Variants in CNEP1R1 observed in about 807,000 individuals in gnomAD.
CNEP1R1 encodes the protein nuclear envelope phosphatase-regulatory subunit 1.
A neutral mutation model predicts 22.7 loss-of-function variants in CNEP1R1; 10 were observed. That is an observed-to-expected ratio of 0.44 (90% CI 0.27 to 0.75). The LOEUF (loss-of-function observed/expected upper bound fraction) is 0.75. Ranked by LOEUF, CNEP1R1 falls within the 30% of genes least tolerant of loss-of-function variation. The pLI is 0.17. For missense variants in CNEP1R1, 73 were observed against 151.5 expected (o/e 0.48, Z 2.72); for synonymous variants, 53 against 50.1 (o/e 1.06, Z -0.25).
At chr16:50,033,241 C>T (rs1052823910) in intron 3 of CNEP1R1, among the ~76,000 whole-genome samples, 156 bp from the exon 4 acceptor site, 2 of 151,994 alleles carry the variant, frequency 1.3e-5, no homozygotes, top group African/African-American at 2.4e-5. Flanking sequence ...ATTTTTACAA[C>T]GCAGCAATAC....
rs912283651 is a variant in CNEP1R1 at position 50,036,462 on chromosome 16, C to G, written c.*1004C>G. The G allele has an allele frequency of 6.6e-6, 1 of 152,098 alleles. No homozygotes were observed. The highest frequency in any genetic ancestry group is 1.5e-5 in the Non-Finnish European group (1 of 68,006). The allele number at this position is 152,098 out of a possible 1,614,324, so 9.4% of individuals were successfully genotyped here. A position where few individuals can be genotyped will look rare whatever the true frequency, so the allele number is the denominator to read the frequency against. On this transcript the variant is annotated 3_prime_UTR_variant, in exon 6 of 6. Transcript: ENST00000427478. ...CCTCTTTAATAATTTTTAAAATACCCTAAAGGCTTGTGAATATACAAGTCT... is the reference window on the plus strand; with the variant it reads ...CCTCTTTAATAATTTTTAAAATACCGTAAAGGCTTGTGAATATACAAGTCT...
chr16:50,027,236 G>A (rs933812203), intron 2 of CNEP1R1, among the ~76,000 whole-genome samples: 1 of 151,968 alleles, frequency 6.6e-6, no homozygotes, highest in African/African-American at 2.4e-5. Context: ...AGACCCCATC[G>A]CGGTGGCTCA....
At chr16:50,029,325 A>C (rs1274259368) in intron 2 of CNEP1R1, among the ~76,000 whole-genome samples, 1 of 152,214 alleles carries the variant, frequency 6.6e-6, no homozygotes, top group African/African-American at 2.4e-5. Context: ...CAGTACATTC[A>C]AAAAGGAGTC....
At chr16:50,033,973 G>C (rs1006179521) in intron 4 of CNEP1R1, 129 bp from the exon 5 acceptor site, 4 of 645,150 alleles carry the variant, frequency 6.2e-6, no homozygotes, top group South Asian at 3.4e-5. Context: ...GGATGGTCTC[G>C]ATCTCCTGAC....
chr16:50,026,596 G>A (rs748750846), intron 2 of CNEP1R1, 129 bp downstream of exon 2: 18 of 694,160 alleles, frequency 2.6e-5, no homozygotes, highest in Non-Finnish European at 4.3e-5. Context: ...GCCTTATGAA[G>A]AAATTTTTAA....
At chr16:50,033,863 CAAA>C (rs748163459) in intron 4 of CNEP1R1, among the ~76,000 whole-genome samples, 2 of 101,232 alleles carry the variant, frequency 2.0e-5, no homozygotes, top group African/African-American at 3.6e-5. Context: ...GACTGCGTCT[CAAA>C]AAAAAAAAAA....
Position 50,036,826 on chromosome 16 carries a change from A to G in CNEP1R1, c.*1368A>G, listed in dbSNP as rs1456981661. 6.6e-6 allele frequency: 1 copy of G among 152,664 alleles called. No individual in the cohort carries two copies. The highest frequency in any genetic ancestry group is 1.5e-5 in the Non-Finnish European group (1 of 68,038). 9.5% of individuals were successfully genotyped at this position (152,664 alleles called of 1,614,324 possible). A position where few individuals can be genotyped will look rare whatever the true frequency, so the allele number is the denominator to read the frequency against. ...AAAGGTTTAAATTATTTCATGAGCA[A>G]TCTTTTAAATTTCATTTAACATAAA... On this transcript the variant is annotated 3_prime_UTR_variant, in exon 6 of 6. Coordinates refer to ENST00000427478, the MANE Select transcript of CNEP1R1 (RefSeq NM_001281789.2).
At chr16:50,025,915 G>C in intron 1 of CNEP1R1, 1 of 561,776 alleles carries the variant, frequency 1.8e-6, no homozygotes. Flanking sequence ...AGTAAGGCCA[G>C]ACGGCGTAGC....
intron 3 of CNEP1R1, among the ~76,000 whole-genome samples, chr16:50,030,748 A>G (rs1223891607): frequency 6.6e-6 from 1 of 152,236 alleles, no homozygotes; most frequent in African/African-American, 2.4e-5. Context: ...TGTGATTTTC[A>G]TTGCCTGTAA....
Position 50,025,405 on chromosome 16 carries a change from C to T in CNEP1R1, c.25+65C>T, listed in dbSNP as rs1201699789. On this transcript the variant is annotated intron_variant, in intron 1 of 5. Transcript: ENST00000427478. Reference sequence around the variant, plus strand: ...GGAAGCTGGCGGTGCTCCGGAGGAGCCGGCGTCGTGAAGACCCCCGCCCCG... The same window carrying T: ...GGAAGCTGGCGGTGCTCCGGAGGAGTCGGCGTCGTGAAGACCCCCGCCCCG... 2.9e-6 allele frequency: 4 copies of T among 1,389,448 alleles called. No individual in the cohort carries two copies. The African/African-American group carries it at 4.4e-5, about 15-fold the overall frequency. 86.1% of individuals were successfully genotyped at this position (1,389,448 alleles called of 1,614,324 possible).
At chr16:50,030,527 A>G (rs2036222562) in intron 3 of CNEP1R1, among the ~76,000 whole-genome samples, 1 of 152,336 alleles carries the variant, frequency 6.6e-6, no homozygotes, top group East Asian at 1.9e-4. Flanking sequence ...AAAACACTGG[A>G]GATGACTTTA....
rs996526168 is a variant in CNEP1R1 at position 50,035,842 on chromosome 16, G to A, written c.*384G>A. ...TAAACAAAGAGGAAAACGTTGTGTG[G>A]ACTTTGTTCTCTTGCACCAGTATTT... On this transcript the variant is annotated 3_prime_UTR_variant, in exon 6 of 6. Coordinates refer to ENST00000427478, the MANE Select transcript of CNEP1R1 (RefSeq NM_001281789.2). 1.2e-5 allele frequency: 2 copies of A among 169,626 alleles called. No individual in the cohort carries two copies. Among genetic ancestry groups the A allele is most frequent in the Non-Finnish European group, 2.5e-5 (2 of 79,208 alleles). 10.5% of individuals were successfully genotyped at this position (169,626 alleles called of 1,614,324 possible).
At chr16:50,032,338 C>T (rs1018922620) in intron 3 of CNEP1R1, among the ~76,000 whole-genome samples, 1 of 152,216 alleles carries the variant, frequency 6.6e-6, no homozygotes, top group African/African-American at 2.4e-5. Flanking sequence ...ACCCTTGTCC[C>T]TCTACATATT....
intron 4 of CNEP1R1, among the ~76,000 whole-genome samples, chr16:50,033,883 C>T (rs568842815): frequency 2.0e-4 from 28 of 140,550 alleles, no homozygotes; most frequent in Non-Finnish European, 3.8e-4. Flanking sequence ...AAAAAGAGTA[C>T]GCTTTGTGTT....
rs991514869 is a variant in CNEP1R1 at position 50,035,929 on chromosome 16, T to C, written c.*471T>C. On this transcript the variant is annotated 3_prime_UTR_variant, in exon 6 of 6. Transcript: ENST00000427478. ...AACTGGCTATTATGTGTGCCTTTCA[T>C]TCTTACATTTCTAATCATACTGCAG... The C allele has an allele frequency of 6.5e-6, 1 of 153,864 alleles. No individual in the cohort carries two copies. The highest frequency in any genetic ancestry group is 2.4e-5 in the African/African-American group (1 of 41,466). The allele number at this position is 153,864 out of a possible 1,614,324, so 9.5% of individuals were successfully genotyped here. A position where few individuals can be genotyped will look rare whatever the true frequency, so the allele number is the denominator to read the frequency against.
chr16:50,029,947 C>G (rs1432944749), intron 3 of CNEP1R1, 149 bp downstream of exon 3: 1 of 516,848 alleles, frequency 1.9e-6, no homozygotes, highest in African/African-American at 1.9e-5. Flanking sequence ...TTAATTTGCT[C>G]AAGGAAGATT....
chr16:50,031,333 G>A lies in CNEP1R1; in HGVS notation c.171+1535G>A, dbSNP rs912039399. On this transcript the variant is annotated intron_variant, in intron 3 of 5. Transcript: ENST00000427478. ...GTGGAGATATTTAAAAGGATAGGAA[G>A]CAAGGGGAGATTGGTGATGGAATTT... 4.6e-5 allele frequency among the ~76,000 whole-genome samples: 7 copies of A among 152,302 alleles called. No homozygotes were observed. In the South Asian group the frequency reaches 1.0e-3, roughly 23 times the overall value.
At chr16:50,031,115 T>TTCACAAA (rs1293818862) in intron 3 of CNEP1R1, among the ~76,000 whole-genome samples, 1 of 152,216 alleles carries the variant, frequency 6.6e-6, no homozygotes, top group African/African-American at 2.4e-5. Context: ...TGATGTAATT[T>TTCACAAA]TCACAAATCT....
At chr16:50,029,703 T>G in intron 2 of CNEP1R1, 22 bp from the exon 3 acceptor site, 1 of 1,509,468 alleles carries the variant, frequency 6.6e-7, no homozygotes, top group Non-Finnish European at 9.2e-7. Flanking sequence ...TGCTTACTAA[T>G]TTCGTGTTTA....
Sources: allele counts gnomAD v4.1 joint callset (sites outside exome capture counted in the v4.1 genomes callset), GRCh38; gene constraint gnomAD v4.1.1; transcripts MANE v1.5; gene names NCBI Gene and HGNC (gene_info 2026-07-23, HGNC 2026-07-21).